USH2A: variants seen among roughly 807,000 people sequenced by gnomAD.
USH2A encodes the protein usherin.
A neutral mutation model predicts 538.9 loss-of-function variants in USH2A; 443 were observed. That is an observed-to-expected ratio of 0.82 (90% CI 0.76 to 0.89). The LOEUF (loss-of-function observed/expected upper bound fraction) is 0.89, where lower values mean the gene tolerates loss of function less well. Among genes scored for constraint, USH2A ranks in the 40% least tolerant of loss-of-function variants. The pLI is 0.00. For synonymous variants in USH2A, 2,413 were observed against 2,273.5 expected (o/e 1.06, Z -1.75); for missense variants, 6,633 against 6,324.8 (o/e 1.05, Z -1.65).
chr1:216,128,081 C>T (rs560579180), intron 21 of USH2A, among the ~76,000 whole-genome samples: 113 of 152,194 alleles, frequency 7.4e-4, no homozygotes, highest in Middle Eastern at 3.4e-3. Context: ...GATGCACTGA[C>T]TTTTATGAGG....
At position 215,934,788 on chromosome 1, in the gene USH2A, A is replaced by G. The variant is rs1666453519; in HGVS notation, c.7128T>C (p.Asn2376=). ...TTGTGACATTCAGAAGGGTGTAGTT[A>G]TTACCTACTGATTAAAAAAGAAAAT... ...TGIFYVDPVG[N]NYTLLNVTKV... Residue 2376 remains asparagine (N), a synonymous_variant, in exon 38 of 72, where the codon AAT becomes AAC. Transcript: ENST00000307340. 1 of 1,609,400 alleles carries G rather than the reference A, an allele frequency of 6.2e-7. No individual in the cohort carries two copies. The highest frequency in any genetic ancestry group is 1.1e-5 in the South Asian group (1 of 89,788).
At chr1:216,147,807 C>A (rs669202) in intron 21 of USH2A, among the ~76,000 whole-genome samples, 79,782 of 139,330 alleles carry the variant, frequency 0.57, 21,388 homozygotes, top group East Asian at 0.76. Flanking sequence ...ACCTCCTCCC[C>A]CAGGAGCTTG....
At position 215,888,964 on chromosome 1, in the gene USH2A, A is replaced by G. The variant is rs56385601; in HGVS notation, c.7685T>C (p.Val2562Ala). 12,210 of 1,614,060 alleles carry G rather than the reference A, an allele frequency of 7.6e-3. 62 individuals are homozygous for G. The highest frequency in any genetic ancestry group is 8.8e-3 in the Non-Finnish European group (10,359 of 1,179,992). Residue 2562 changes from valine to alanine, a missense_variant, in exon 41 of 72, where the codon GTT becomes GCT. Coordinates refer to ENST00000307340, the MANE Select transcript of USH2A (RefSeq NM_206933.4). Reference protein sequence around the residue: ...TWQHPRKSNGVITHYNIYLHG... With the variant: ...TWQHPRKSNGAITHYNIYLHG... ...TAGATAAATGTTATAATGGGTAATA[A>G]CCCCATTGGATTTTCTAGGATGCTG... is the stretch of plus-strand genomic sequence containing the variant.
intron 35 of USH2A, among the ~76,000 whole-genome samples, chr1:215,990,918 T>C (rs569122523): frequency 6.6e-6 from 1 of 152,034 alleles, no homozygotes; most frequent in South Asian, 2.1e-4. Flanking sequence ...CCTGCCACTA[T>C]GCCCGGCTAA....
chr1:216,252,977 C>T (rs972934124), intron 11 of USH2A, among the ~76,000 whole-genome samples: 2 of 152,158 alleles, frequency 1.3e-5, no homozygotes, highest in African/African-American at 4.8e-5. Context: ...CAGTCCTGTT[C>T]TCCAAAGAGA....
chr1:216,087,969 T>C lies in USH2A; in HGVS notation c.4885+1044A>G, dbSNP rs1290958395. Reference sequence around the variant, plus strand: ...CCTCAAAATCCTTCAACAGTTTCCTTCTTTCAAAGTAAAAGCCCACAAGGT... The same window carrying C: ...CCTCAAAATCCTTCAACAGTTTCCTCCTTTCAAAGTAAAAGCCCACAAGGT... On this transcript the variant is annotated intron_variant, in intron 23 of 71. Coordinates refer to ENST00000307340, the MANE Select transcript of USH2A (RefSeq NM_206933.4). 3.3e-5 allele frequency among the ~76,000 whole-genome samples: 5 copies of C among 152,128 alleles called. No individual in the cohort carries two copies. In the East Asian group the frequency reaches 5.8e-4, roughly 18 times the overall value.
intron 61 of USH2A, among the ~76,000 whole-genome samples, chr1:215,714,706 A>T (rs1659433291): frequency 6.6e-6 from 1 of 152,204 alleles, no homozygotes; most frequent in African/African-American, 2.4e-5. Flanking sequence ...ACAAACGTTT[A>T]TCTGGACTTT....
intron 11 of USH2A, among the ~76,000 whole-genome samples, chr1:216,252,393 G>C (rs2036179624): frequency 6.6e-6 from 1 of 152,170 alleles, no homozygotes; most frequent in Non-Finnish European, 1.5e-5. Context: ...AGTTACCATA[G>C]AGGGAAGTAA....
At chr1:216,108,378 G>A (rs185287424) in intron 21 of USH2A, among the ~76,000 whole-genome samples, 1 of 149,642 alleles carries the variant, frequency 6.7e-6, no homozygotes, top group Non-Finnish European at 1.5e-5. Flanking sequence ...TTCTCTAGCT[G>A]ATTTTAAGGT....
intron 20 of USH2A, among the ~76,000 whole-genome samples, chr1:216,176,159 A>AT: frequency 6.6e-6 from 1 of 152,070 alleles, no homozygotes; most frequent in East Asian, 1.9e-4. Context: ...GACTTTCATT[A>AT]TTTTTGTTTT....
At chr1:216,380,354 C>T (rs2038904945) in intron 3 of USH2A, among the ~76,000 whole-genome samples, 1 of 152,066 alleles carries the variant, frequency 6.6e-6, no homozygotes, top group Non-Finnish European at 1.5e-5. Flanking sequence ...CAACACTGTT[C>T]CAGGCACCAG....
intron 42 of USH2A, 122 bp downstream of exon 42, chr1:215,878,641 CA>C (rs1231164864): frequency 1.8e-5 from 16 of 911,742 alleles, no homozygotes; most frequent in South Asian, 1.6e-4. Flanking sequence ...AGTTATGAGT[CA>C]GGGGATATTC....
intron 19 of USH2A, among the ~76,000 whole-genome samples, chr1:216,191,026 C>T (rs558267318): frequency 2.0e-5 from 3 of 152,064 alleles, no homozygotes; most frequent in South Asian, 4.1e-4. Flanking sequence ...GCAAAGAAGA[C>T]TGACAGGAAA....
chr1:216,008,593 G>A (rs532944633), intron 32 of USH2A, among the ~76,000 whole-genome samples: 170 of 152,250 alleles, frequency 1.1e-3, no homozygotes, highest in Non-Finnish European at 1.8e-3. Context: ...CCTCCCTTGG[G>A]AGATCAATCC....
intron 50 of USH2A, among the ~76,000 whole-genome samples, chr1:215,793,614 T>G (rs1662042716): frequency 6.6e-6 from 1 of 152,166 alleles, no homozygotes; most frequent in Admixed American, 6.5e-5. Flanking sequence ...AGGGAAATGT[T>G]TTTTCAATGC....
chr1:215,793,558 T>C (rs1433372726), intron 50 of USH2A, among the ~76,000 whole-genome samples: 1 of 147,132 alleles, frequency 6.8e-6, no homozygotes, highest in African/African-American at 2.6e-5. Context: ...CACTGATATA[T>C]TACACTTTTC....
chr1:216,407,057 C>T (rs2039408307), intron 3 of USH2A, among the ~76,000 whole-genome samples: 2 of 152,026 alleles, frequency 1.3e-5, no homozygotes, highest in African/African-American at 4.8e-5. Flanking sequence ...AGCTATGTCA[C>T]ATGACTTCCA....
intron 38 of USH2A, among the ~76,000 whole-genome samples, chr1:215,918,425 C>A (rs1404508133): frequency 6.6e-6 from 1 of 151,962 alleles, no homozygotes; most frequent in East Asian, 1.9e-4. Context: ...ACTTCTCACC[C>A]CTTCTGCCAT....
In USH2A at chr1:216,198,545, C is replaced by T; in HGVS notation, c.3851G>A (p.Arg1284Lys). 6.2e-7 allele frequency: 1 copy of T among 1,613,634 alleles called. No individual in the cohort carries two copies. The highest frequency in any genetic ancestry group is 8.5e-7 in the Non-Finnish European group (1 of 1,179,886). The change falls in exon 18 of 72, where the codon AGA becomes AAA. Residue 1284 changes from arginine (R) to lysine (K), a missense_variant. By Grantham distance (26) the Arg-to-Lys change is conservative. Coordinates refer to ENST00000307340, the MANE Select transcript of USH2A (RefSeq NM_206933.4). ...CTCAGATGTGGTTTCTTTAGTAGAT[C>T]TCAGTCTTCTCATGTATAGTTCATA... Reference protein sequence around the residue: ...IRYELYMRRLRSTKETTSEES... With the variant: ...IRYELYMRRLKSTKETTSEES...
Sources: gnomAD v4.1 joint callset for allele counts (sites outside exome capture counted in the v4.1 genomes callset) on GRCh38, gnomAD v4.1.1 for gene constraint, MANE v1.5 for transcripts, NCBI Gene and HGNC (gene_info 2026-07-23, HGNC 2026-07-21) for gene names.